The following MAPK4 variants were observed in gnomAD, a reference collection of about 807,000 sequenced individuals.
MAPK4 encodes the protein mitogen-activated protein kinase 4, also known as Erk3-related.
A neutral mutation model predicts 47.7 loss-of-function variants in MAPK4; 22 were observed. That is an observed-to-expected ratio of 0.46 (90% CI 0.33 to 0.66). The LOEUF (loss-of-function observed/expected upper bound fraction) is 0.66, where lower values mean the gene tolerates loss of function less well. Among genes scored for constraint, MAPK4 ranks in the 30% least tolerant of loss-of-function variants. The probability of loss-of-function intolerance (pLI) is 0.02; values close to 1 mark genes in which losing one functional copy is unlikely to be tolerated. For missense variants in MAPK4, 736 were observed against 831.7 expected, an observed-to-expected ratio of 0.88 and a Z score of 1.42; for synonymous variants, 390 against 365.7, an observed-to-expected ratio of 1.07 and a Z score of -0.76.
chr18:50,581,799 G>A (rs536754751), intron 1 of MAPK4, among the ~76,000 whole-genome samples: 4 of 152,290 alleles, frequency 2.6e-5, no homozygotes, highest in African/African-American at 4.8e-5. Context: ...ACTGGGATAC[G>A]TGACATGTCC....
At chr18:50,609,333 G>A (rs1035295292) in intron 1 of MAPK4, among the ~76,000 whole-genome samples, 3 of 151,156 alleles carry the variant, frequency 2.0e-5, no homozygotes, top group Middle Eastern at 3.4e-3. Context: ...GCGGGGCGGC[G>A]GCCGGGCGGA....
At position 50,673,367 on chromosome 18, in the gene MAPK4, G is replaced by A. The variant is rs1027829891; in HGVS notation, c.546+8863G>A. 2.6e-5 allele frequency among the ~76,000 whole-genome samples: 4 copies of A among 152,340 alleles called. No homozygotes were observed. The South Asian group carries it at 8.3e-4, about 32-fold the overall frequency. ...ACTCACCTGGTACTCCCCTCACCAT[G>A]AGAGCTGCCACCTCCTGTGGCAAGT... On this transcript the variant is annotated intron_variant, in intron 2 of 5. Coordinates refer to ENST00000400384, the MANE Select transcript of MAPK4 (RefSeq NM_002747.4).
rs952682577 is a variant in MAPK4 at position 50,560,191 on chromosome 18, G to T, written c.-923G>T. On this transcript the variant is annotated 5_prime_UTR_variant, in exon 1 of 6. Coordinates refer to ENST00000400384, the MANE Select transcript of MAPK4 (RefSeq NM_002747.4). ...GGCCGAGCGCGCCGGCGCCGCGGCC[G>T]CAGACAAAGGGCGGCTCGCGCCCGG... 1 of 150,970 alleles carries T rather than the reference G, an allele frequency of 6.6e-6. No individual in the cohort carries two copies. The highest frequency in any genetic ancestry group is 1.5e-5 in the Non-Finnish European group (1 of 67,696). 9.4% of individuals were successfully genotyped at this position (150,970 alleles called of 1,614,324 possible).
chr18:50,727,944 C>G (rs150107519), intron 5 of MAPK4, among the ~76,000 whole-genome samples: 13 of 152,368 alleles, frequency 8.5e-5, no homozygotes, highest in Non-Finnish European at 1.8e-4. Flanking sequence ...TCTTCACACA[C>G]TCTTCCTCCT....
chr18:50,590,610 G>T (rs1245186964), intron 1 of MAPK4, among the ~76,000 whole-genome samples: 1 of 152,126 alleles, frequency 6.6e-6, no homozygotes, highest in Non-Finnish European at 1.5e-5. Context: ...AGAGCTGAAA[G>T]GTAAACACAG....
intron 1 of MAPK4, among the ~76,000 whole-genome samples, chr18:50,614,903 G>A (rs529455239): frequency 6.6e-6 from 1 of 152,296 alleles, no homozygotes; most frequent in Admixed American, 6.5e-5. Flanking sequence ...TACATTGCTG[G>A]TCTCTGAGGG....
chr18:50,671,355 CAT>C (rs1907939462), intron 2 of MAPK4, among the ~76,000 whole-genome samples: 1 of 152,126 alleles, frequency 6.6e-6, no homozygotes, highest in Non-Finnish European at 1.5e-5. Context: ...TTTTGGAAAA[CAT>C]AGGCTTTTCA....
chr18:50,609,952 C>T (rs1173203311), intron 1 of MAPK4, among the ~76,000 whole-genome samples: 8 of 152,188 alleles, frequency 5.3e-5, no homozygotes, highest in Non-Finnish European at 1.0e-4. Flanking sequence ...TTACCAACAT[C>T]GCTCCAATAA....
At chr18:50,634,185 G>T (rs1046387622) in intron 1 of MAPK4, among the ~76,000 whole-genome samples, 28 of 152,144 alleles carry the variant, frequency 1.8e-4, no homozygotes, top group Admixed American at 6.5e-5. Flanking sequence ...CTGAGCGGGG[G>T]TATTCTGAGC....
At chr18:50,600,795 G>A (rs145731519) in intron 1 of MAPK4, among the ~76,000 whole-genome samples, 14 of 151,778 alleles carry the variant, frequency 9.2e-5, no homozygotes, top group African/African-American at 1.9e-4. Context: ...AGAAGAGGAT[G>A]CTTTTTAAAA....
intron 2 of MAPK4, among the ~76,000 whole-genome samples, chr18:50,683,633 G>C (rs1205250772): frequency 1.3e-5 from 2 of 152,110 alleles, no homozygotes; most frequent in African/African-American, 2.4e-5. Flanking sequence ...GAGATACAAG[G>C]CTGAAACACA....
intron 1 of MAPK4, among the ~76,000 whole-genome samples, chr18:50,659,437 G>A (rs2043145384): frequency 2.0e-5 from 3 of 152,294 alleles, no homozygotes; most frequent in South Asian, 2.1e-4. Flanking sequence ...CATGAGGTTC[G>A]GGAGGATCTG....
chr18:50,722,050 G>C lies in MAPK4; in HGVS notation c.804G>C (p.Trp268Cys). 2 of 1,613,664 alleles carry C rather than the reference G, an allele frequency of 1.2e-6. No homozygotes were observed. Among genetic ancestry groups the C allele is most frequent in the Non-Finnish European group, 1.7e-6 (2 of 1,179,816 alleles). Residue 268 changes from tryptophan to cysteine, a missense_variant, in exon 4 of 6, where the codon TGG (tryptophan) becomes TGC (cysteine). Transcript: ENST00000400384. ...RVMPSFVSSTWEVKRPLRKLL... is the reference protein window; with the variant it reads ...RVMPSFVSSTCEVKRPLRKLL... ...TGCCTTCCTTTGTCAGCAGCACCTG[G>C]GAGGTGAAGAGGCCTCTGCGCAAGC...
At chr18:50,621,678 G>A (rs1056314230) in intron 1 of MAPK4, among the ~76,000 whole-genome samples, 1 of 152,230 alleles carries the variant, frequency 6.6e-6, no homozygotes, top group African/African-American at 2.4e-5. Flanking sequence ...ACAAGCTAGA[G>A]AATCAAGCTC....
intron 1 of MAPK4, among the ~76,000 whole-genome samples, chr18:50,561,645 T>TTCAG (rs2042154564): frequency 6.6e-6 from 1 of 152,218 alleles, no homozygotes; most frequent in Non-Finnish European, 1.5e-5. Context: ...GAAAATATAA[T>TTCAG]ATCTTCTGAA....
intron 2 of MAPK4, among the ~76,000 whole-genome samples, chr18:50,679,405 AC>A (rs912918145): frequency 2.0e-5 from 3 of 152,160 alleles, no homozygotes; most frequent in African/African-American, 7.2e-5. Flanking sequence ...GAAGATCAAT[AC>A]CCTCATATCT....
chr18:50,614,958 C>T (rs948598191), intron 1 of MAPK4, among the ~76,000 whole-genome samples: 3 of 152,218 alleles, frequency 2.0e-5, no homozygotes, highest in Non-Finnish European at 4.4e-5. Context: ...TGCTCAGATT[C>T]TCCCTGTACT....
chr18:50,728,405 G>T (rs575106972), intron 5 of MAPK4, among the ~76,000 whole-genome samples: 5 of 152,248 alleles, frequency 3.3e-5, no homozygotes, highest in African/African-American at 9.6e-5. Context: ...CTTTCTGTAG[G>T]TCCCACCTGC....
intron 2 of MAPK4, among the ~76,000 whole-genome samples, chr18:50,677,567 G>T (rs1023138700): frequency 6.8e-6 from 1 of 146,294 alleles, no homozygotes; most frequent in African/African-American, 2.6e-5. Context: ...TTTTTTTGTT[G>T]TTTTTTTTTT....
Sources: gnomAD v4.1 joint callset for allele counts (sites outside exome capture counted in the v4.1 genomes callset) on GRCh38, gnomAD v4.1.1 for gene constraint, MANE v1.5 for transcripts, NCBI Gene and HGNC (gene_info 2026-07-23, HGNC 2026-07-21) for gene names.